Variants in GIGYF2 observed in about 807,000 individuals in gnomAD.
GIGYF2 encodes the protein GRB10-interacting GYF protein 2.
GIGYF2 carries 25 observed loss-of-function variants against 208.1 expected under a neutral mutation model. The observed-to-expected ratio is 0.12, with a 90% CI of 0.09 to 0.17. GIGYF2 has a LOEUF of 0.17. Among genes scored for constraint, GIGYF2 ranks in the 10% least tolerant of loss-of-function variants. The pLI, the probability that GIGYF2 is intolerant of heterozygous loss-of-function variation, is 1.00. For missense variants in GIGYF2, 1,302 were observed against 1,579.4 expected, an observed-to-expected ratio of 0.82 and a Z score of 2.98; for synonymous variants, 534 against 543.8, an observed-to-expected ratio of 0.98 and a Z score of 0.25.
intron 28 of GIGYF2, among the ~76,000 whole-genome samples, chr2:232,852,234 T>A (rs1441195216): frequency 6.6e-6 from 1 of 152,166 alleles, no homozygotes; most frequent in Non-Finnish European, 1.5e-5. Context: ...AACCTAACTT[T>A]TAGGACTGTC....
chr2:232,788,815 A>G (rs2106361940), intron 9 of GIGYF2, among the ~76,000 whole-genome samples: 1 of 152,164 alleles, frequency 6.6e-6, no homozygotes, highest in South Asian at 2.1e-4. Context: ...CCATATACAT[A>G]TATATTTTTT....
In GIGYF2 at chr2:232,704,752, C is replaced by T. The variant is rs142578269; in HGVS notation, c.-44+1263C>T. On this transcript the variant is annotated intron_variant, in intron 2 of 28. Transcript: ENST00000373563. ...TGGTTTTGGAGGTTCAGAGGAGTGG[C>T]TGGGTAAAGGTTTAGCAAGCAGACA... 1.1e-4 allele frequency among the ~76,000 whole-genome samples: 16 copies of T among 150,904 alleles called. No individual in the cohort carries two copies. The East Asian group carries it at 1.6e-3, about 15-fold the overall frequency.
chr2:232,855,080 C>CTTTTTTTTTTTTTTTTTTTTTTTTTTT (rs201395041), intron 28 of GIGYF2, among the ~76,000 whole-genome samples: 3 of 109,190 alleles, frequency 2.7e-5, no homozygotes, highest in African/African-American at 3.9e-5. Context: ...CTTTTTCTTT[C>CTTTTTTTTTTTTTTTTTTTTTTTTTTT]TTTTTTTTTT....
chr2:232,740,352 G>A (rs1487528672), intron 3 of GIGYF2, among the ~76,000 whole-genome samples: 9 of 152,006 alleles, frequency 5.9e-5, no homozygotes, highest in Non-Finnish European at 7.4e-5. Context: ...TTTATTATAG[G>A]GAGAATAATT....
rs372674975 is a variant in GIGYF2, at chr2:232,739,366, C to G, written c.41+4128C>G. On this transcript the variant is annotated intron_variant, in intron 3 of 28. Transcript: ENST00000373563. Reference sequence around the variant, plus strand: ...AGCCTGGGCAACAAAAGCAAACCCCCCCCCCCCCGCAAAAAAAAAGAAAAG... The same window carrying G: ...AGCCTGGGCAACAAAAGCAAACCCCGCCCCCCCCGCAAAAAAAAAGAAAAG... Among the ~76,000 whole-genome samples the G allele has an allele frequency of 1.0e-4, 13 of 128,776 alleles. 1 individual carries two copies. The highest frequency in any genetic ancestry group is 3.8e-4 in the Admixed American group (5 of 13,186). The allele number at this position is 128,776 out of a possible 152,430, so 84.5% of individuals were successfully genotyped here. A position where few individuals can be genotyped will look rare whatever the true frequency, so the allele number is the denominator to read the frequency against.
chr2:232,844,154 A>C lies in GIGYF2; in HGVS notation c.2998A>C (p.Lys1000Gln). 1.3e-6 allele frequency: 2 copies of C among 1,572,568 alleles called. No individual in the cohort carries two copies. ...TGTCAGCAAACCTTCAGGTACCACG[A>C]AATCTCTTCTGGAGATCCAGCAGGA... ...GNVSKPSGTT[K>Q]SLLEIQQEEA... The change falls in exon 24 of 29, where the codon AAA (lysine) becomes CAA (glutamine). Residue 1000 changes from lysine (K) to glutamine (Q), a missense_variant. Coordinates refer to ENST00000373563, the MANE Select transcript of GIGYF2 (RefSeq NM_001103146.3).
chr2:232,856,905 T>A lies in GIGYF2; in HGVS notation c.*45T>A. ...CCATCCCTCTCCTGTCTGCCGACTA[T>A]GGAGTCTCCACCTTTGGACACAACA... On this transcript the variant is annotated 3_prime_UTR_variant, in exon 29 of 29. Transcript: ENST00000373563. 7.8e-7 allele frequency: 1 copy of A among 1,281,308 alleles called. No homozygotes were observed. Among genetic ancestry groups the A allele is most frequent in the Non-Finnish European group, 1.1e-6 (1 of 875,448 alleles). The allele number at this position is 1,281,308 out of a possible 1,614,324, so 79.4% of individuals were successfully genotyped here. A position where few individuals can be genotyped will look rare whatever the true frequency, so the allele number is the denominator to read the frequency against.
intron 21 of GIGYF2, among the ~76,000 whole-genome samples, chr2:232,827,924 A>T (rs1210488285): frequency 6.6e-6 from 1 of 152,082 alleles, no homozygotes. Context: ...TGTAATTTCC[A>T]CTTTGGCTTA....
At chr2:232,724,063 T>C (rs547925887) in intron 2 of GIGYF2, among the ~76,000 whole-genome samples, 8 of 149,532 alleles carry the variant, frequency 5.4e-5, no homozygotes, top group Non-Finnish European at 1.0e-4. Flanking sequence ...ATTTTTGAGA[T>C]GGAGTCTTGC....
Position 232,856,890 on chromosome 2 carries a change from C to G in GIGYF2, c.*30C>G. 4.7e-6 allele frequency: 7 copies of G among 1,491,132 alleles called. No individual in the cohort carries two copies. Among genetic ancestry groups the G allele is most frequent in the Non-Finnish European group, 5.6e-6 (6 of 1,067,452 alleles). The allele number at this position is 1,491,132 out of a possible 1,614,324, so 92.4% of individuals were successfully genotyped here. A position where few individuals can be genotyped will look rare whatever the true frequency, so the allele number is the denominator to read the frequency against. ...CTGCCAGTGGACTGGCCATCCCTCT[C>G]CTGTCTGCCGACTATGGAGTCTCCA... On this transcript the variant is annotated 3_prime_UTR_variant, in exon 29 of 29. Transcript: ENST00000373563.
intron 1 of GIGYF2, among the ~76,000 whole-genome samples, chr2:232,699,163 G>A (rs1407515065): frequency 1.3e-5 from 2 of 152,172 alleles, no homozygotes; most frequent in East Asian, 1.9e-4. Context: ...GCTAACACTG[G>A]AGGAAAAACC....
intron 8 of GIGYF2, among the ~76,000 whole-genome samples, chr2:232,779,401 C>G (rs1559425693): frequency 6.6e-6 from 1 of 152,198 alleles, no homozygotes; most frequent in Non-Finnish European, 1.5e-5. Flanking sequence ...CACTATATAT[C>G]TATAAATGTA....
chr2:232,725,389 CT>C (rs1697150496), intron 2 of GIGYF2, among the ~76,000 whole-genome samples: 3 of 152,334 alleles, frequency 2.0e-5, no homozygotes, highest in South Asian at 2.1e-4. Flanking sequence ...GCACCTCCCC[CT>C]GTCCCCCTTT....
intron 2 of GIGYF2, among the ~76,000 whole-genome samples, chr2:232,712,274 G>A (rs533078671): frequency 1.3e-5 from 2 of 152,268 alleles, no homozygotes; most frequent in Admixed American, 1.3e-4. Context: ...AGCTAGTTGA[G>A]CTTGTAACCC....
chr2:232,838,260 ATATG>A (rs1385402533), intron 22 of GIGYF2, among the ~76,000 whole-genome samples: 3 of 151,878 alleles, frequency 2.0e-5, no homozygotes, highest in Non-Finnish European at 2.9e-5. Context: ...ATGTATATGT[ATATG>A]TGTGTATGTG....
intron 8 of GIGYF2, among the ~76,000 whole-genome samples, chr2:232,764,994 T>C (rs1698898399): frequency 6.6e-6 from 1 of 152,210 alleles, no homozygotes; most frequent in African/African-American, 2.4e-5. Context: ...ACATGAAGTA[T>C]CTCAGAATAT....
intron 14 of GIGYF2, among the ~76,000 whole-genome samples, chr2:232,796,478 T>G (rs1291786888): frequency 6.6e-6 from 1 of 152,252 alleles, no homozygotes; most frequent in Non-Finnish European, 1.5e-5. Flanking sequence ...CTATTGAATG[T>G]TTCCTTTGTG....
intron 20 of GIGYF2, among the ~76,000 whole-genome samples, chr2:232,817,489 A>C (rs1700950112): frequency 6.6e-6 from 1 of 152,188 alleles, no homozygotes; most frequent in Admixed American, 6.5e-5. Flanking sequence ...ATGTCTGTAG[A>C]ACTTCTCCAA....
intron 1 of GIGYF2, among the ~76,000 whole-genome samples, chr2:232,700,256 G>C (rs144256342): frequency 2.3e-3 from 345 of 152,218 alleles, no homozygotes; most frequent in African/African-American, 8.0e-3. Flanking sequence ...TCTTCCTCTT[G>C]TTTTTCTATT....
Sources: gnomAD v4.1 joint callset for allele counts (sites outside exome capture counted in the v4.1 genomes callset) on GRCh38, gnomAD v4.1.1 for gene constraint, MANE v1.5 for transcripts, NCBI Gene and HGNC (gene_info 2026-07-23, HGNC 2026-07-21) for gene names.